The following RAP1GAP2 variants were observed in gnomAD, a reference collection of about 807,000 sequenced individuals.
RAP1GAP2 encodes the protein rap1 GTPase-activating protein 2.
Under a neutral mutation model 95.0 loss-of-function variants are expected in RAP1GAP2, and 27 were observed. The observed-to-expected ratio is 0.28, with a 90% CI of 0.21 to 0.39. RAP1GAP2 has a LOEUF of 0.39. Among genes scored for constraint, RAP1GAP2 ranks in the 10% least tolerant of loss-of-function variants. RAP1GAP2 has a pLI of 1.00. For missense variants in RAP1GAP2, 771 were observed against 970.0 expected (o/e 0.79, Z 2.72); for synonymous variants, 373 against 380.9 (o/e 0.98, Z 0.24).
intron 8 of RAP1GAP2, among the ~76,000 whole-genome samples, chr17:2,978,420 G>A (rs373349298): frequency 4.1e-4 from 63 of 152,290 alleles, no homozygotes; most frequent in East Asian, 2.1e-3. Flanking sequence ...GGTAGGGAGC[G>A]TGTAGGGCGT....
chr17:2,909,607 A>G (rs775914757), intron 3 of RAP1GAP2, among the ~76,000 whole-genome samples: 14 of 152,220 alleles, frequency 9.2e-5, no homozygotes, highest in Non-Finnish European at 1.9e-4. Context: ...CTCTCCCATG[A>G]CAGGCTGTCG....
At chr17:2,997,709 G>A (rs1053844323) in intron 13 of RAP1GAP2, among the ~76,000 whole-genome samples, 6 of 151,978 alleles carry the variant, frequency 3.9e-5, no homozygotes, top group Admixed American at 3.9e-4. Flanking sequence ...GAGGCGGGCT[G>A]GTCAGGAGTT....
intron 18 of RAP1GAP2, 73 bp from the exon 19 acceptor site, chr17:3,020,404 C>T: frequency 6.5e-6 from 8 of 1,224,980 alleles, no homozygotes; most frequent in Non-Finnish European, 9.5e-6. Context: ...ATTTGTAGAC[C>T]AGGGAGGAGG....
intron 13 of RAP1GAP2, among the ~76,000 whole-genome samples, 167 bp downstream of exon 13, chr17:2,995,633 G>A (rs572753833): frequency 2.0e-5 from 3 of 152,332 alleles, no homozygotes; most frequent in African/African-American, 4.8e-5. Flanking sequence ...GTTTCTGGCC[G>A]AGGCTGTGCC....
chr17:2,825,930 A>G lies in RAP1GAP2; in HGVS notation c.80+25380A>G, dbSNP rs2151530999. Among the ~76,000 whole-genome samples, 1 of 151,146 alleles carries G rather than the reference A, an allele frequency of 6.6e-6. No individual in the cohort carries two copies. Among genetic ancestry groups the G allele is most frequent in the South Asian group, 2.1e-4 (1 of 4,736 alleles). ...GCTGGAAGGTTGAAAAGGAATCCCT[A>G]GGAAGAGAAGGTTGCAGGGGGCATT... On this transcript the variant is annotated intron_variant, in intron 2 of 24. Transcript: ENST00000254695. This position sits in a 1 kb window ranked among gnomAD's most constrained non-coding sequence, Gnocchi z 4.1.
At chr17:2,934,255 C>T (rs562954834) in intron 3 of RAP1GAP2, among the ~76,000 whole-genome samples, 1 of 152,350 alleles carries the variant, frequency 6.6e-6, no homozygotes, top group African/African-American at 2.4e-5. Context: ...ACTCAGCCTC[C>T]TGAGTAGCTG....
intron 2 of RAP1GAP2, among the ~76,000 whole-genome samples, chr17:2,876,912 C>T (rs1362995012): frequency 3.8e-5 from 5 of 132,724 alleles, no homozygotes; most frequent in African/African-American, 5.9e-5. Flanking sequence ...TTTCTTGAGA[C>T]GGAGTTTTGC....
At chr17:2,978,267 A>G (rs1231724579) in intron 8 of RAP1GAP2, among the ~76,000 whole-genome samples, 2 of 152,186 alleles carry the variant, frequency 1.3e-5, no homozygotes, top group Non-Finnish European at 2.9e-5. Context: ...TCTCTTTGTC[A>G]TATCCAAAGT....
intron 3 of RAP1GAP2, among the ~76,000 whole-genome samples, chr17:2,914,266 C>G (rs2042492904): frequency 6.6e-6 from 1 of 152,212 alleles, no homozygotes; most frequent in Admixed American, 6.5e-5. Flanking sequence ...TCTCGCTGCT[C>G]TGCATCCTCA....
intron 1 of RAP1GAP2, among the ~76,000 whole-genome samples, chr17:2,784,399 T>C (rs1004378034): frequency 1.7e-4 from 26 of 152,114 alleles, no homozygotes; most frequent in Non-Finnish European, 2.4e-4. Flanking sequence ...GCCTCCCAAA[T>C]AGCTGGGACT....
intron 2 of RAP1GAP2, among the ~76,000 whole-genome samples, chr17:2,893,260 C>G (rs898914457): frequency 6.6e-6 from 1 of 152,078 alleles, no homozygotes; most frequent in Non-Finnish European, 1.5e-5. Flanking sequence ...AGGCTGGTCT[C>G]GAACTCCTGA....
chr17:2,861,131 A>G (rs2072370362), intron 2 of RAP1GAP2, among the ~76,000 whole-genome samples: 1 of 151,800 alleles, frequency 6.6e-6, no homozygotes, highest in Admixed American at 6.6e-5. Context: ...GTGCTTCCTC[A>G]TCCCCGGACT....
chr17:2,994,007 T>C (rs1235619314), intron 12 of RAP1GAP2, among the ~76,000 whole-genome samples: 1 of 152,172 alleles, frequency 6.6e-6, no homozygotes, highest in Non-Finnish European at 1.5e-5. Context: ...GATTACACCA[T>C]TGCGCTCCAG....
chr17:2,837,491 C>T (rs1044901433), intron 2 of RAP1GAP2, among the ~76,000 whole-genome samples: 4 of 151,992 alleles, frequency 2.6e-5, no homozygotes, highest in Admixed American at 1.3e-4. Context: ...TGATGGGCAT[C>T]GGGAGTCTCT....
chr17:2,955,659 T>C (rs1308972630), intron 3 of RAP1GAP2, among the ~76,000 whole-genome samples: 1 of 152,232 alleles, frequency 6.6e-6, no homozygotes, highest in East Asian at 1.9e-4. Context: ...GCCACCTGGG[T>C]CTGGGCTTTC....
intron 2 of RAP1GAP2, among the ~76,000 whole-genome samples, chr17:2,804,696 C>T (rs76993247): frequency 0.024 from 3,708 of 152,230 alleles, 113 homozygotes; most frequent in East Asian, 0.15. Flanking sequence ...ATGAGTTGGA[C>T]ACTCAGAAGC....
chr17:2,807,070 T>C (rs2069552891), intron 2 of RAP1GAP2, among the ~76,000 whole-genome samples: 1 of 152,106 alleles, frequency 6.6e-6, no homozygotes, highest in South Asian at 2.1e-4. Flanking sequence ...CTAATTTTTG[T>C]ATTTTTAGTA....
In RAP1GAP2 at chr17:2,903,611, A is replaced by G. The variant is rs1361868894; in HGVS notation, c.81-1673A>G. Among the ~76,000 whole-genome samples, 3 of 152,194 alleles carry G rather than the reference A, an allele frequency of 2.0e-5. No homozygotes were observed. Among genetic ancestry groups the G allele is most frequent in the Non-Finnish European group, 4.4e-5 (3 of 68,014 alleles). ...TCTCCAGCCATCAAAACTTACATCA[A>G]CAAGGTCCAGGAAGAAAGAAAGAGG... On this transcript the variant is annotated intron_variant, in intron 2 of 24. Transcript: ENST00000254695. This position sits in a 1 kb window ranked among gnomAD's most constrained non-coding sequence, Gnocchi z 4.1.
chr17:2,825,695 C>T lies in RAP1GAP2; in HGVS notation c.80+25145C>T, dbSNP rs1231239338. ...GAGCTAACATAGGAAAAGCACTTAGCATGGTGCTTGGCGCAGAGTTAGTGC... is the reference window on the plus strand; with the variant it reads ...GAGCTAACATAGGAAAAGCACTTAGTATGGTGCTTGGCGCAGAGTTAGTGC... On this transcript the variant is annotated intron_variant, in intron 2 of 24. Transcript: ENST00000254695. The surrounding 1 kb of genome is among the most constrained non-coding windows in gnomAD (Gnocchi z 4.1). Among the ~76,000 whole-genome samples the T allele has an allele frequency of 6.6e-6, 1 of 152,098 alleles. No homozygotes were observed. Among genetic ancestry groups the T allele is most frequent in the African/African-American group, 2.4e-5 (1 of 41,432 alleles).
Sources: allele counts gnomAD v4.1 joint callset (sites outside exome capture counted in the v4.1 genomes callset), GRCh38; gene constraint gnomAD v4.1.1; non-coding constraint Gnocchi (gnomAD v3.1); transcripts MANE v1.5; gene names NCBI Gene and HGNC (gene_info 2026-07-23, HGNC 2026-07-21).